Variants in MAU2 observed in about 807,000 individuals in gnomAD.
The protein encoded by MAU2 is MAU2 chromatid cohesion factor homolog.
A neutral mutation model predicts 89.1 loss-of-function variants in MAU2; 9 were observed. That is an observed-to-expected ratio of 0.10 (90% confidence interval 0.06 to 0.18). The LOEUF is 0.18. Ranked by LOEUF, MAU2 falls within the 10% of genes least tolerant of loss-of-function variation. The probability of loss-of-function intolerance (pLI) is 1.00; values close to 1 mark genes in which losing one functional copy is unlikely to be tolerated. For synonymous variants in MAU2, 357 were observed against 343.4 expected (o/e 1.04, Z -0.44); for missense variants, 425 against 803.5 (o/e 0.53, Z 5.69).
intron 1 of MAU2, among the ~76,000 whole-genome samples, chr19:19,334,914 A>G (rs2061584321): frequency 6.6e-6 from 1 of 152,110 alleles, no homozygotes; most frequent in Non-Finnish European, 1.5e-5. Context: ...CCTTCCAGCA[A>G]CCACCGAGGC....
intron 1 of MAU2, among the ~76,000 whole-genome samples, chr19:19,323,749 G>C (rs545048994): frequency 1.3e-5 from 2 of 152,274 alleles, no homozygotes; most frequent in Non-Finnish European, 2.9e-5. Flanking sequence ...CTCCCAAAGT[G>C]CTGGAACTAC....
intron 1 of MAU2, among the ~76,000 whole-genome samples, chr19:19,333,631 G>A (rs981477019): frequency 1.3e-5 from 2 of 152,220 alleles, no homozygotes; most frequent in Non-Finnish European, 2.9e-5. Flanking sequence ...AAGTCTACCC[G>A]CCACAGACAT....
intron 2 of MAU2, 40 bp downstream of exon 2, chr19:19,335,775 C>T (rs1157500137): frequency 6.2e-7 from 1 of 1,605,274 alleles, no homozygotes; most frequent in Non-Finnish European, 8.5e-7. Flanking sequence ...TTAAGGAATT[C>T]TCCACTTAAA....
At chr19:19,343,596 G>T (rs942647241) in intron 9 of MAU2, among the ~76,000 whole-genome samples, 1 of 152,176 alleles carries the variant, frequency 6.6e-6, no homozygotes, top group Admixed American at 6.5e-5. Context: ...TGAGGGTGAG[G>T]GTGAGAGCCA....
intron 16 of MAU2, among the ~76,000 whole-genome samples, chr19:19,349,940 G>A (rs1258495877): frequency 1.3e-5 from 2 of 149,078 alleles, no homozygotes; most frequent in Non-Finnish European, 3.0e-5. Flanking sequence ...TCAATTCCTC[G>A]CCTACTCTCA....
intron 1 of MAU2, among the ~76,000 whole-genome samples, chr19:19,326,692 A>ATATATATACG: frequency 8.2e-6 from 1 of 121,218 alleles, no homozygotes; most frequent in Non-Finnish European, 1.8e-5. Flanking sequence ...TCAAAAAAAA[A>ATATATATACG]TATATATATG....
At chr19:19,338,286 G>A (rs544038760) in intron 4 of MAU2, among the ~76,000 whole-genome samples, 1 of 152,346 alleles carries the variant, frequency 6.6e-6, no homozygotes, top group African/African-American at 2.4e-5. Flanking sequence ...AAAGGAGCAG[G>A]CCAGGCCGTG....
At chr19:19,332,106 A>G (rs906852330) in intron 1 of MAU2, among the ~76,000 whole-genome samples, 1 of 152,222 alleles carries the variant, frequency 6.6e-6, no homozygotes, top group Admixed American at 6.5e-5. Context: ...CCGAGCACCT[A>G]CTGGATGTCA....
Position 19,320,896 on chromosome 19 carries a change from G to A in MAU2, c.37G>A (p.Ala13Thr). ...GGCGGCGGCAGCGGCCCAGGCGGCG[G>A]CGGCCCAGGCTGCGCAGGCCGAGGC... ...AQAAAAAQAA[A>T]AQAAQAEAAD... The change falls in exon 1 of 19, where the codon GCG (alanine) becomes ACG (threonine). Residue 13 changes from alanine (A) to threonine (T), a missense_variant. Around this residue, in one of 11 missense-constraint regions of MAU2, gnomAD observed 61 missense variants for 40.1 expected, o/e 1.52. Transcript: ENST00000262815. The A allele has an allele frequency of 6.6e-7, 1 of 1,521,004 alleles. No individual in the cohort carries two copies. The highest frequency in any genetic ancestry group is 1.4e-5 in the African/African-American group (1 of 70,360). 94.2% of individuals were successfully genotyped at this position (1,521,004 alleles called of 1,614,324 possible). A position where few individuals can be genotyped will look rare whatever the true frequency, so the allele number is the denominator to read the frequency against.
intron 18 of MAU2, 99 bp from the exon 19 acceptor site, chr19:19,355,608 TC>T: frequency 8.0e-7 from 1 of 1,254,758 alleles, no homozygotes; most frequent in Non-Finnish European, 1.1e-6. Flanking sequence ...GAGAACAGAG[TC>T]CCGGCTGTGT....
intron 10 of MAU2, chr19:19,344,508 G>C (rs559768897): frequency 2.6e-6 from 1 of 380,076 alleles, no homozygotes; most frequent in South Asian, 4.0e-5. Flanking sequence ...GGGGTCCTTT[G>C]ACAGTGATTG....
chr19:19,344,645 C>T (rs980837868), intron 10 of MAU2: 12 of 601,176 alleles, frequency 2.0e-5, no homozygotes, highest in African/African-American at 9.3e-5. Flanking sequence ...GTGGAAGAGA[C>T]GAGTAACAGA....
In MAU2 at chr19:19,337,158, A is replaced by G; in HGVS notation, c.361-12A>G. 3.1e-6 allele frequency: 5 copies of G among 1,596,106 alleles called. No individual in the cohort carries two copies. The Middle Eastern group carries it at 5.0e-4, about 159-fold the overall frequency. ...TTTTCTTACATTCCCAAACGTGACT[A>G]TTTCCTTTCAGAATTCCGTTGATGC... On this transcript the variant is annotated splice_polypyrimidine_tract_variant and intron_variant, in intron 3 of 18. Transcript: ENST00000262815.
chr19:19,337,818 G>GC (rs1234332596), intron 4 of MAU2, among the ~76,000 whole-genome samples: 6 of 152,146 alleles, frequency 3.9e-5, no homozygotes, highest in Non-Finnish European at 7.4e-5. Context: ...GCTCCCTTTG[G>GC]CCCCCCCAGA....
chr19:19,353,447 G>A (rs889070092), intron 16 of MAU2: 1 of 152,276 alleles, frequency 6.6e-6, no homozygotes, highest in Non-Finnish European at 1.5e-5. Context: ...TCAAGGTGCA[G>A]CTACAGGGCA....
At chr19:19,339,475 G>A (rs1316336911) in intron 5 of MAU2, among the ~76,000 whole-genome samples, 3 of 150,868 alleles carry the variant, frequency 2.0e-5, no homozygotes, top group Non-Finnish European at 2.9e-5. Flanking sequence ...ACCATGAGGC[G>A]CGGGTTTGAG....
At chr19:19,330,866 G>A (rs2061550047) in intron 1 of MAU2, among the ~76,000 whole-genome samples, 1 of 152,104 alleles carries the variant, frequency 6.6e-6, no homozygotes, top group Admixed American at 6.6e-5. Flanking sequence ...CACTCCCCCT[G>A]GGTGGCAGAG....
In MAU2 at chr19:19,345,223, AGGCCCCG is replaced by A; in HGVS notation, c.1156-77_1156-71del. On this transcript the variant is annotated intron_variant, in intron 11 of 18. Coordinates refer to ENST00000262815, the MANE Select transcript of MAU2 (RefSeq NM_015329.4). This position sits in a 1 kb window ranked among gnomAD's most constrained non-coding sequence, Gnocchi z 4.9. ...TCATACTCCTCCAGGGCAGCCGTGC[AGGCCCCG>A]GGCACACCACGTGTCTCTGATCTGA... The A allele has an allele frequency of 7.9e-7, 1 of 1,273,014 alleles. No individual in the cohort carries two copies. Among genetic ancestry groups the A allele is most frequent in the African/African-American group, 1.5e-5 (1 of 68,352 alleles). 78.9% of individuals were successfully genotyped at this position (1,273,014 alleles called of 1,614,324 possible).
rs1268531024 is a variant in MAU2 at position 19,342,885 on chromosome 19, T to G, written c.973+19T>G. 1.4e-5 allele frequency: 22 copies of G among 1,611,982 alleles called. No homozygotes were observed. Among genetic ancestry groups the G allele is most frequent in the Non-Finnish European group, 1.9e-5 (22 of 1,179,206 alleles). The stretch of plus-strand genomic sequence containing the variant: ...CTCAAGAGTAAGTCAGGTGCTCGGC[T>G]GGCCACATGGCCACAGCGACCCCTG... On this transcript the variant is annotated intron_variant, in intron 9 of 18. Transcript: ENST00000262815.
Sources: allele counts gnomAD v4.1 joint callset (sites outside exome capture counted in the v4.1 genomes callset), GRCh38; gene constraint gnomAD v4.1.1; regional missense constraint gnomAD v4.1.1; non-coding constraint Gnocchi (gnomAD v3.1); transcripts MANE v1.5; gene names NCBI Gene and HGNC (gene_info 2026-07-23, HGNC 2026-07-21).